PLAG1: variants seen among roughly 807,000 people sequenced by gnomAD.
PLAG1 encodes the protein zinc finger protein PLAG1.
In PLAG1, 7 loss-of-function variants were observed where a neutral mutation model predicts 35.5. The ratio of observed to expected loss-of-function variants is 0.20; its 90% confidence interval spans 0.11 to 0.37. PLAG1 has a LOEUF of 0.37. Among genes scored for constraint, PLAG1 ranks in the 10% least tolerant of loss-of-function variants. The pLI is 1.00. For missense variants in PLAG1, 454 were observed against 602.8 expected, an observed-to-expected ratio of 0.75 and a Z score of 2.58; for synonymous variants, 229 against 225.4, an observed-to-expected ratio of 1.02 and a Z score of -0.14.
intron 3 of PLAG1, among the ~76,000 whole-genome samples, chr8:56,168,738 T>C (rs1025207593): frequency 2.6e-5 from 4 of 152,180 alleles, no homozygotes; most frequent in African/African-American, 9.6e-5. Flanking sequence ...TCAGAGAACA[T>C]AAAATCTGAC....
intron 2 of PLAG1, among the ~76,000 whole-genome samples, chr8:56,172,004 C>T (rs963114434): frequency 6.6e-6 from 1 of 151,996 alleles, no homozygotes; most frequent in African/African-American, 2.4e-5. Flanking sequence ...AATAGAATCA[C>T]CTATTGTAGA....
intron 1 of PLAG1, among the ~76,000 whole-genome samples, chr8:56,184,699 T>C (rs1472200478): frequency 1.3e-5 from 2 of 152,122 alleles, no homozygotes; most frequent in Admixed American, 1.3e-4. Flanking sequence ...AATGGATCAT[T>C]TGAGGTCAGG....
chr8:56,178,635 C>A (rs1434394863), intron 2 of PLAG1, among the ~76,000 whole-genome samples: 2 of 152,134 alleles, frequency 1.3e-5, no homozygotes, highest in African/African-American at 4.8e-5. Flanking sequence ...TCCTTTCCCC[C>A]ATCTGCCATC....
intron 2 of PLAG1, among the ~76,000 whole-genome samples, chr8:56,175,479 T>G (rs529550939): frequency 6.6e-6 from 1 of 152,296 alleles, no homozygotes; most frequent in East Asian, 1.9e-4. Flanking sequence ...TCCCCAAAAA[T>G]GCATTTTATA....
At chr8:56,206,324 TTTC>T (rs1812701185) in intron 1 of PLAG1, among the ~76,000 whole-genome samples, 1 of 152,056 alleles carries the variant, frequency 6.6e-6, no homozygotes, top group Non-Finnish European at 1.5e-5. Flanking sequence ...TACACATACA[TTTC>T]TTACAACTTC....
intron 2 of PLAG1, among the ~76,000 whole-genome samples, chr8:56,172,594 C>T (rs1160160864): frequency 6.6e-6 from 1 of 152,004 alleles, no homozygotes; most frequent in African/African-American, 2.4e-5. Context: ...CTATTATCTC[C>T]CTGGAATTCA....
chr8:56,184,251 G>C (rs1811953100), intron 1 of PLAG1, among the ~76,000 whole-genome samples: 1 of 152,148 alleles, frequency 6.6e-6, no homozygotes, highest in African/African-American at 2.4e-5. Context: ...CTGATCATTA[G>C]GGAAATGCAA....
chr8:56,196,987 T>TGTGTGCGCGC (rs1227336889), intron 1 of PLAG1, among the ~76,000 whole-genome samples: 2 of 149,430 alleles, frequency 1.3e-5, no homozygotes, highest in African/African-American at 2.5e-5. Context: ...TGTGTGTGTG[T>TGTGTGCGCGC]GCTCCTCTCT....
chr8:56,165,400 A>C lies in PLAG1; in HGVS notation c.*843T>G, dbSNP rs557213685. Reference sequence around the variant, plus strand: ...GCACTTGACCCACCCCTTGGATGTGAAAGGTGGAAAAGACTAAAGAGATCT... The same window carrying C: ...GCACTTGACCCACCCCTTGGATGTGCAAGGTGGAAAAGACTAAAGAGATCT... On this transcript the variant is annotated 3_prime_UTR_variant, in exon 5 of 5. Coordinates refer to ENST00000316981, the MANE Select transcript of PLAG1 (RefSeq NM_002655.3). The C allele has an allele frequency of 1.1e-4, 25 of 218,486 alleles. No individual in the cohort carries two copies. Among genetic ancestry groups the C allele is most frequent in the Middle Eastern group, 1.4e-3 (1 of 714 alleles). The allele number at this position is 218,486 out of a possible 1,614,324, so 13.5% of individuals were successfully genotyped here.
intron 1 of PLAG1, among the ~76,000 whole-genome samples, chr8:56,201,470 C>T (rs945352758): frequency 6.6e-6 from 1 of 152,152 alleles, no homozygotes; most frequent in Non-Finnish European, 1.5e-5. Flanking sequence ...TTCCCCAATT[C>T]CTTATGTACA....
chr8:56,202,674 T>C (rs532710646), intron 1 of PLAG1, among the ~76,000 whole-genome samples: 1 of 152,322 alleles, frequency 6.6e-6, no homozygotes, highest in East Asian at 1.9e-4. Flanking sequence ...ATAATTAAAT[T>C]CAAGCACCAC....
At chr8:56,201,751 C>T (rs1187621427) in intron 1 of PLAG1, among the ~76,000 whole-genome samples, 2 of 152,154 alleles carry the variant, frequency 1.3e-5, no homozygotes, top group Admixed American at 1.3e-4. Context: ...ATTCCTATCT[C>T]ATGAGATTGC....
chr8:56,197,487 T>C (rs1812414602), intron 1 of PLAG1, among the ~76,000 whole-genome samples: 1 of 152,208 alleles, frequency 6.6e-6, no homozygotes, highest in Non-Finnish European at 1.5e-5. Context: ...AGAGTCAGAG[T>C]TGCTGGTGCA....
chr8:56,205,925 G>A (rs1039281138), intron 1 of PLAG1, among the ~76,000 whole-genome samples: 1 of 151,934 alleles, frequency 6.6e-6, no homozygotes, highest in Non-Finnish European at 1.5e-5. Flanking sequence ...ACTGTGGTTA[G>A]TTTTAATACC....
intron 1 of PLAG1, among the ~76,000 whole-genome samples, chr8:56,191,760 T>C (rs1812188948): frequency 1.4e-5 from 2 of 146,864 alleles, no homozygotes; most frequent in South Asian, 2.1e-4. Context: ...GGTATTAACA[T>C]AGGGTGATCT....
chr8:56,191,014 G>C (rs140539257), intron 1 of PLAG1, among the ~76,000 whole-genome samples: 2 of 152,152 alleles, frequency 1.3e-5, no homozygotes, highest in African/African-American at 4.8e-5. Flanking sequence ...CCGGCGCTAC[G>C]GAATTTAAAG....
In PLAG1 at chr8:56,194,623, C is replaced by A. The variant is rs560344847; in HGVS notation, c.-321-15110G>T. On this transcript the variant is annotated intron_variant, in intron 1 of 4. Transcript: ENST00000316981. ...TGTATGTGTGTTTGTGTGTGTGTGG[C>A]GTGTGTGTGTTTGTGTGTGTGTGGC... 4.5e-4 allele frequency among the ~76,000 whole-genome samples: 67 copies of A among 150,516 alleles called. 1 individual carries two copies. Among genetic ancestry groups the A allele is most frequent in the Non-Finnish European group, 8.9e-4 (60 of 67,372 alleles).
At chr8:56,181,202 C>A (rs559015075) in intron 1 of PLAG1, among the ~76,000 whole-genome samples, 1 of 152,188 alleles carries the variant, frequency 6.6e-6, no homozygotes, top group Admixed American at 6.5e-5. Context: ...TTTGACCCAG[C>A]AATCCCATTA....
At chr8:56,183,007 G>A (rs1204428527) in intron 1 of PLAG1, among the ~76,000 whole-genome samples, 1 of 152,178 alleles carries the variant, frequency 6.6e-6, no homozygotes, top group African/African-American at 2.4e-5. Flanking sequence ...CTGAGTAGAA[G>A]GGTCCTATGT....
Sources: gnomAD v4.1 joint callset for allele counts (sites outside exome capture counted in the v4.1 genomes callset) on GRCh38, gnomAD v4.1.1 for gene constraint, MANE v1.5 for transcripts, NCBI Gene and HGNC (gene_info 2026-07-23, HGNC 2026-07-21) for gene names.